The following CCBE1 variants were observed in gnomAD, a reference collection of about 807,000 sequenced individuals.
The protein encoded by CCBE1 is collagen and calcium binding EGF domains 1, also known as collagen and calcium-binding EGF domain-containing protein 1.
CCBE1 carries 37 observed loss-of-function variants against 50.0 expected under a neutral mutation model. That is an observed-to-expected ratio of 0.74 (90% CI 0.57 to 0.97). The LOEUF is 0.97. Among genes scored for constraint, CCBE1 ranks in the 50% least tolerant of loss-of-function variants. The pLI, the probability that CCBE1 is intolerant of heterozygous loss-of-function variation, is 0.00. For synonymous variants in CCBE1, 234 were observed against 203.7 expected, an observed-to-expected ratio of 1.15 and a Z score of -1.27; for missense variants, 538 against 523.8, an observed-to-expected ratio of 1.03 and a Z score of -0.26.
chr18:59,590,198 A>T (rs948882458), intron 2 of CCBE1, among the ~76,000 whole-genome samples: 1 of 152,244 alleles, frequency 6.6e-6, no homozygotes, highest in African/African-American at 2.4e-5. Context: ...TAAGAATTAG[A>T]ACAGTAGTAA....
chr18:59,681,497 T>C (rs1169133883), intron 2 of CCBE1, among the ~76,000 whole-genome samples: 2 of 152,140 alleles, frequency 1.3e-5, no homozygotes, highest in Admixed American at 6.5e-5. Context: ...AGGAAGGGAG[T>C]GGGTGCCGTG....
chr18:59,577,113 G>A (rs1568215006), intron 2 of CCBE1, among the ~76,000 whole-genome samples: 3 of 152,186 alleles, frequency 2.0e-5, no homozygotes, highest in Non-Finnish European at 2.9e-5. Flanking sequence ...AAGTGTTTGC[G>A]GTGGGTCTGT....
At chr18:59,540,051 C>A (rs1479451184) in intron 2 of CCBE1, among the ~76,000 whole-genome samples, 1 of 152,056 alleles carries the variant, frequency 6.6e-6, no homozygotes, top group Non-Finnish European at 1.5e-5. Flanking sequence ...ATCTTGGACC[C>A]ATAAAATTTT....
intron 2 of CCBE1, among the ~76,000 whole-genome samples, chr18:59,510,039 A>T (rs1343653472): frequency 6.6e-6 from 1 of 152,208 alleles, no homozygotes; most frequent in Non-Finnish European, 1.5e-5. Flanking sequence ...TGGTGCTGGG[A>T]GTTCAAATTG....
intron 2 of CCBE1, among the ~76,000 whole-genome samples, chr18:59,498,805 AT>A (rs1913476439): frequency 6.6e-6 from 1 of 152,214 alleles, no homozygotes; most frequent in Non-Finnish European, 1.5e-5. Context: ...GATAAGATTG[AT>A]AAACAGATGC....
chr18:59,527,383 A>T (rs977744506), intron 2 of CCBE1, among the ~76,000 whole-genome samples: 1 of 152,096 alleles, frequency 6.6e-6, no homozygotes, highest in Non-Finnish European at 1.5e-5. Flanking sequence ...TTGAGCCTAC[A>T]TGTGTCTTTG....
At chr18:59,613,924 G>C (rs147290532) in intron 2 of CCBE1, among the ~76,000 whole-genome samples, 13 of 135,652 alleles carry the variant, frequency 9.6e-5, no homozygotes, top group Non-Finnish European at 1.1e-4. Context: ...ACCCAGGCTG[G>C]AGTGCAATGG....
chr18:59,548,688 A>C (rs940480976), intron 2 of CCBE1, among the ~76,000 whole-genome samples: 14 of 152,184 alleles, frequency 9.2e-5, no homozygotes, highest in Admixed American at 7.2e-4. Context: ...ACAGTGGCTC[A>C]TGCCTGTAAT....
chr18:59,589,790 CAAAAAAAA>C (rs752546235), intron 2 of CCBE1, among the ~76,000 whole-genome samples: 91 of 73,110 alleles, frequency 1.2e-3, no homozygotes, highest in Non-Finnish European at 1.9e-3. Context: ...GACTCCATCT[CAAAAAAAA>C]AAAAAAAAAA....
At chr18:59,501,307 C>T (rs1913610837) in intron 2 of CCBE1, among the ~76,000 whole-genome samples, 2 of 152,196 alleles carry the variant, frequency 1.3e-5, no homozygotes, top group Non-Finnish European at 2.9e-5. Flanking sequence ...TACTTACCCC[C>T]ATGGCTTTAG....
intron 5 of CCBE1, among the ~76,000 whole-genome samples, chr18:59,461,731 T>TTG (rs1911488133): frequency 7.6e-6 from 1 of 131,492 alleles, no homozygotes; most frequent in East Asian, 2.3e-4. Context: ...GGTGTAATCT[T>TTG]TTTTTTTTTT....
At chr18:59,668,418 AAAT>A (rs58896218) in intron 2 of CCBE1, among the ~76,000 whole-genome samples, 15 of 150,276 alleles carry the variant, frequency 1.0e-4, no homozygotes, top group South Asian at 6.3e-4. Context: ...CTCCATCTCA[AAAT>A]AATAATAATA....
chr18:59,673,328 G>A (rs576402595), intron 2 of CCBE1, among the ~76,000 whole-genome samples: 1 of 152,300 alleles, frequency 6.6e-6, no homozygotes, highest in East Asian at 1.9e-4. Flanking sequence ...GCAGACACCT[G>A]TAATACCAGC....
chr18:59,508,336 G>T (rs375425056), intron 2 of CCBE1, among the ~76,000 whole-genome samples: 2 of 150,890 alleles, frequency 1.3e-5, no homozygotes, highest in East Asian at 2.0e-4. Flanking sequence ...GGTGGCTCAC[G>T]CCTGTAATCC....
intron 2 of CCBE1, among the ~76,000 whole-genome samples, chr18:59,553,299 G>A (rs924056584): frequency 7.9e-5 from 12 of 152,194 alleles, no homozygotes; most frequent in South Asian, 2.1e-4. Flanking sequence ...ATTCAAGCAT[G>A]AGCACATGTA....
chr18:59,580,690 G>A (rs1419917628), intron 2 of CCBE1, among the ~76,000 whole-genome samples: 1 of 152,152 alleles, frequency 6.6e-6, no homozygotes, highest in African/African-American at 2.4e-5. Flanking sequence ...GAGGGTGGGG[G>A]ATCCTGACCC....
intron 2 of CCBE1, among the ~76,000 whole-genome samples, chr18:59,687,389 A>G (rs976988776): frequency 2.7e-5 from 4 of 147,776 alleles, no homozygotes; most frequent in Non-Finnish European, 4.5e-5. Context: ...GTAGGATCCT[A>G]TTTCTGAACA....
At chr18:59,461,719 C>T (rs1272997066) in intron 5 of CCBE1, among the ~76,000 whole-genome samples, 1 of 138,212 alleles carries the variant, frequency 7.2e-6, no homozygotes, top group African/African-American at 2.7e-5. Context: ...GATTCCCAGC[C>T]AGGTGTAATC....
chr18:59,617,931 G>A (rs150099226), intron 2 of CCBE1, among the ~76,000 whole-genome samples: 7 of 152,290 alleles, frequency 4.6e-5, no homozygotes, highest in Non-Finnish European at 1.0e-4. Context: ...GAATTAATCA[G>A]AAATTCCATA....
Sources: gnomAD v4.1 joint callset for allele counts (sites outside exome capture counted in the v4.1 genomes callset) on GRCh38, gnomAD v4.1.1 for gene constraint, MANE v1.5 for transcripts, NCBI Gene and HGNC (gene_info 2026-07-23, HGNC 2026-07-21) for gene names.